Variants in SSR1 observed in about 807,000 individuals in gnomAD.
SSR1 encodes signal sequence receptor subunit 1, also known as translocon-associated protein subunit alpha.
In SSR1, 13 loss-of-function variants were observed where a neutral mutation model predicts 36.1. That is an observed-to-expected ratio of 0.36 (90% CI 0.23 to 0.57). The LOEUF (loss-of-function observed/expected upper bound fraction) is 0.57, where lower values mean the gene tolerates loss of function less well. Ranked by LOEUF, SSR1 falls within the 20% of genes least tolerant of loss-of-function variation. The probability of loss-of-function intolerance (pLI) is 0.81; values close to 1 mark genes in which losing one functional copy is unlikely to be tolerated. For synonymous variants in SSR1, 113 were observed against 118.9 expected, an observed-to-expected ratio of 0.95 and a Z score of 0.32; for missense variants, 291 against 338.5, an observed-to-expected ratio of 0.86 and a Z score of 1.10.
Position 7,289,735 on chromosome 6 carries a change from G to C in SSR1, c.*129C>G. On this transcript the variant is annotated 3_prime_UTR_variant, in exon 8 of 8. Transcript: ENST00000244763. The stretch of plus-strand genomic sequence containing the variant: ...CAGCAATATTATCGCCACAGACTCT[G>C]ATTGCTCAGTCCACACACAAGTAGG... The C allele has an allele frequency of 2.6e-6, 2 of 763,508 alleles. No individual in the cohort carries two copies. Among genetic ancestry groups the C allele is most frequent in the Admixed American group, 7.4e-5 (2 of 27,182 alleles). 47.3% of individuals were successfully genotyped at this position (763,508 alleles called of 1,614,324 possible).
chr6:7,307,641 A>C (rs888854759), intron 2 of SSR1, among the ~76,000 whole-genome samples: 1 of 152,186 alleles, frequency 6.6e-6, no homozygotes, highest in Non-Finnish European at 1.5e-5. Flanking sequence ...TTCTGGGCTC[A>C]AGTGATCCTC....
chr6:7,295,158 C>A, intron 7 of SSR1: 1 of 1,496,678 alleles, frequency 6.7e-7, no homozygotes, highest in East Asian at 2.5e-5. Flanking sequence ...AGAAAATTCA[C>A]ACATTCATAA....
chr6:7,305,335 C>A (rs1490405654), intron 2 of SSR1, among the ~76,000 whole-genome samples: 3 of 152,164 alleles, frequency 2.0e-5, no homozygotes, highest in African/African-American at 7.2e-5. Flanking sequence ...TGGAAAAGAG[C>A]TACAACAGGA....
chr6:7,293,186 T>A (rs75385982), intron 7 of SSR1, among the ~76,000 whole-genome samples: 36 of 150,740 alleles, frequency 2.4e-4, no homozygotes, highest in Non-Finnish European at 4.7e-4. Flanking sequence ...TTTTTTTTTT[T>A]AATAGATTTT....
chr6:7,299,884 CTG>C (rs1561832342), intron 4 of SSR1, among the ~76,000 whole-genome samples: 3 of 152,172 alleles, frequency 2.0e-5, no homozygotes, highest in African/African-American at 7.2e-5. Context: ...ATTGTCAAAA[CTG>C]TCACTTATTG....
chr6:7,310,286 T>C (rs900532053), intron 1 of SSR1, among the ~76,000 whole-genome samples: 11 of 151,416 alleles, frequency 7.3e-5, no homozygotes, highest in Admixed American at 6.6e-4. Flanking sequence ...GGAGTACAGT[T>C]GTGCAGTCAT....
intron 7 of SSR1, chr6:7,295,141 G>A: frequency 6.6e-7 from 1 of 1,510,956 alleles, no homozygotes; most frequent in Non-Finnish European, 8.8e-7. Flanking sequence ...AAATGGATTA[G>A]GAACACAGAA....
At chr6:7,310,145 C>T in intron 1 of SSR1, 116 bp from the exon 2 acceptor site, 1 of 670,808 alleles carries the variant, frequency 1.5e-6, no homozygotes, top group Non-Finnish European at 2.6e-6. Context: ...TCTCCCAGTT[C>T]ACCTGAATGA....
In SSR1 at chr6:7,293,564, C is replaced by T. The variant is rs923076725; in HGVS notation, c.793+1828G>A. On this transcript the variant is annotated intron_variant, in intron 7 of 7. Transcript: ENST00000244763. Reference sequence around the variant, plus strand: ...ATCCTCCCACCTCAGCCTAGGCGCACGTCAACACATGTATTTTTTTTTCAT... The same window carrying T: ...ATCCTCCCACCTCAGCCTAGGCGCATGTCAACACATGTATTTTTTTTTCAT... Among the ~76,000 whole-genome samples the T allele has an allele frequency of 2.2e-4, 33 of 151,916 alleles. 1 individual carries two copies. The highest frequency in any genetic ancestry group is 7.3e-4 in the African/African-American group (30 of 41,354).
chr6:7,312,657 CA>C (rs1412256511), intron 1 of SSR1, among the ~76,000 whole-genome samples: 4 of 152,224 alleles, frequency 2.6e-5, no homozygotes, highest in Non-Finnish European at 4.4e-5. Context: ...CGGAGGTGGC[CA>C]AAAGAAACAG....
At chr6:7,305,073 A>T (rs1758026233) in intron 2 of SSR1, among the ~76,000 whole-genome samples, 1 of 152,240 alleles carries the variant, frequency 6.6e-6, no homozygotes, top group Non-Finnish European at 1.5e-5. Flanking sequence ...GAACAGAGAC[A>T]GAGAGGCTGA....
rs569171748 is a variant in SSR1, at chr6:7,306,212, A to G, written c.193-2575T>C. 1.6e-3 allele frequency among the ~76,000 whole-genome samples: 251 copies of G among 152,192 alleles called. 2 individuals are homozygous for G. The highest frequency in any genetic ancestry group is 5.7e-3 in the African/African-American group (238 of 41,528). ...GAGTATAGTGCCCAGGCACGATCTC[A>G]GCTCACTGTAAGCTCTGCCTCCCAG... is the stretch of plus-strand genomic sequence containing the variant. On this transcript the variant is annotated intron_variant, in intron 2 of 7. Coordinates refer to ENST00000244763, the MANE Select transcript of SSR1 (RefSeq NM_003144.5).
chr6:7,292,786 C>T (rs971083121), intron 7 of SSR1, among the ~76,000 whole-genome samples: 3 of 152,176 alleles, frequency 2.0e-5, no homozygotes, highest in Non-Finnish European at 4.4e-5. Context: ...ACCTTAAAGA[C>T]TCCTTCTCAC....
chr6:7,300,845 G>T (rs1416691980), intron 4 of SSR1, among the ~76,000 whole-genome samples: 1 of 152,142 alleles, frequency 6.6e-6, no homozygotes, highest in Non-Finnish European at 1.5e-5. Context: ...GTTTCACCAG[G>T]TTGGCCAGGC....
intron 1 of SSR1, 84 bp from the exon 2 acceptor site, chr6:7,310,113 A>T: frequency 9.7e-7 from 1 of 1,026,806 alleles, no homozygotes; most frequent in Non-Finnish European, 1.5e-6. Context: ...AGGCAAAAAA[A>T]ACTTCCCTTG....
rs1757643351 is a variant in SSR1, at chr6:7,289,850, G to T, written c.*14C>A. The T allele has an allele frequency of 6.4e-7, 1 of 1,567,530 alleles. No individual in the cohort carries two copies. The highest frequency in any genetic ancestry group is 1.4e-5 in the African/African-American group (1 of 71,536). Reference sequence around the variant, plus strand: ...CAGGTTAAGTAAAGACCGAATTGTTGCACAAAGGAACATTTACTCATCAGA... The same window carrying T: ...CAGGTTAAGTAAAGACCGAATTGTTTCACAAAGGAACATTTACTCATCAGA... On this transcript the variant is annotated 3_prime_UTR_variant, in exon 8 of 8. Coordinates refer to ENST00000244763, the MANE Select transcript of SSR1 (RefSeq NM_003144.5).
At chr6:7,296,151 T>C (rs1208421612) in intron 6 of SSR1, among the ~76,000 whole-genome samples, 1 of 151,974 alleles carries the variant, frequency 6.6e-6, no homozygotes, top group Admixed American at 6.6e-5. Flanking sequence ...CTCCCTAGAG[T>C]ATTTACAGCA....
At chr6:7,294,741 G>A (rs907828435) in intron 7 of SSR1, among the ~76,000 whole-genome samples, 1 of 151,704 alleles carries the variant, frequency 6.6e-6, no homozygotes, top group African/African-American at 2.4e-5. Flanking sequence ...GTCAGGAATT[G>A]ACTTATTTTT....
At position 7,289,478 on chromosome 6, in the gene SSR1, A is replaced by G. The variant is rs1175686608; in HGVS notation, c.*386T>C. ...TAAAACTGTTCAAGGCAGGACATCA[A>G]TAATCATAGTGGGTAAATATTAACT... is the stretch of plus-strand genomic sequence containing the variant. On this transcript the variant is annotated 3_prime_UTR_variant, in exon 8 of 8. Transcript: ENST00000244763. 2.0e-5 allele frequency: 4 copies of G among 200,560 alleles called. No homozygotes were observed. The highest frequency in any genetic ancestry group is 3.0e-5 in the Non-Finnish European group (3 of 100,610). 12.4% of individuals were successfully genotyped at this position (200,560 alleles called of 1,614,324 possible).
Sources: allele counts gnomAD v4.1 joint callset (sites outside exome capture counted in the v4.1 genomes callset), GRCh38; gene constraint gnomAD v4.1.1; transcripts MANE v1.5; gene names NCBI Gene and HGNC (gene_info 2026-07-23, HGNC 2026-07-21).